The following MDFIC variants were observed in gnomAD, a reference collection of about 807,000 sequenced individuals.
MDFIC encodes the protein myoD family inhibitor domain-containing protein.
In MDFIC, 17 loss-of-function variants were observed where a neutral mutation model predicts 23.2. The ratio of observed to expected loss-of-function variants is 0.73; its 90% CI spans 0.50 to 1.10. The LOEUF (loss-of-function observed/expected upper bound fraction) is 1.10, where lower values mean the gene tolerates loss of function less well. Ranked by LOEUF, MDFIC falls within the 50% of genes least tolerant of loss-of-function variation. MDFIC has a pLI of 0.00. For synonymous variants in MDFIC, 120 were observed against 115.2 expected (o/e 1.04, Z -0.27); for missense variants, 356 against 316.6 (o/e 1.12, Z -0.95).
chr7:115,000,580 T>G (rs949349398), intron 4 of MDFIC, among the ~76,000 whole-genome samples: 4 of 152,210 alleles, frequency 2.6e-5, no homozygotes, highest in African/African-American at 4.8e-5. Context: ...CATTTCTGTA[T>G]GTAATTTTCA....
chr7:114,933,582 A>G (rs1193983990), intron 2 of MDFIC, among the ~76,000 whole-genome samples: 1 of 152,146 alleles, frequency 6.6e-6, no homozygotes, highest in African/African-American at 2.4e-5. Context: ...AATGGAGTTA[A>G]TAGACTGCCA....
intron 3 of MDFIC, among the ~76,000 whole-genome samples, chr7:114,973,548 C>T (rs1422484365): frequency 1.3e-5 from 2 of 152,134 alleles, no homozygotes; most frequent in Non-Finnish European, 2.9e-5. Context: ...GCCACGTACT[C>T]AGGACAATTG....
Position 114,999,540 on chromosome 7 carries a change from T to C in MDFIC, c.494-16148T>C, listed in dbSNP as rs573637245. ...TTTTATTTTTTAAATTACTTACATA[T>C]AGTGTTAAACTATTGTGGTTTTGAG... On this transcript the variant is annotated intron_variant, in intron 4 of 4. Coordinates refer to ENST00000393486, the MANE Select transcript of MDFIC (RefSeq NM_001166345.3). Among the ~76,000 whole-genome samples, 8 of 152,110 alleles carry C rather than the reference T, an allele frequency of 5.3e-5. 1 individual carries two copies. The South Asian group carries it at 6.2e-4, about 12-fold the overall frequency.
At chr7:114,957,670 A>T (rs533106209) in intron 3 of MDFIC, among the ~76,000 whole-genome samples, 1 of 152,324 alleles carries the variant, frequency 6.6e-6, no homozygotes, top group African/African-American at 2.4e-5. Flanking sequence ...AGAACAGTGT[A>T]TTTCAAAACT....
chr7:114,923,398 A>C, intron 2 of MDFIC: 2 of 1,460,168 alleles, frequency 1.4e-6, no homozygotes, highest in Admixed American at 2.0e-5. Context: ...CTTCTTTCTT[A>C]AGCATATGCA....
At chr7:114,967,917 C>A (rs1272193439) in intron 3 of MDFIC, among the ~76,000 whole-genome samples, 2 of 149,052 alleles carry the variant, frequency 1.3e-5, no homozygotes, top group Non-Finnish European at 1.5e-5. Context: ...TAGCCTAGAC[C>A]TCCCAGTCTC....
intron 3 of MDFIC, among the ~76,000 whole-genome samples, chr7:114,975,267 A>G (rs1161931230): frequency 6.6e-6 from 1 of 152,096 alleles, no homozygotes. Context: ...TTTCGTGAAC[A>G]TACAGGCAAA....
chr7:114,981,242 A>G (rs1793412233), intron 4 of MDFIC, among the ~76,000 whole-genome samples: 1 of 152,174 alleles, frequency 6.6e-6, no homozygotes, highest in Admixed American at 6.5e-5. Flanking sequence ...TCCATTTGAT[A>G]TTTACTTATT....
In MDFIC at chr7:114,922,423, G is replaced by C; in HGVS notation, c.-321G>C. On this transcript the variant is annotated 5_prime_UTR_variant, in exon 1 of 5. Transcript: ENST00000393486. ...GCTGGAAAGAGGGGGCGGAGTGCGC[G>C]GAGTCAGAGCCGCCACCGCTGCCGC... The C allele has an allele frequency of 4.0e-6, 5 of 1,240,366 alleles. No individual in the cohort carries two copies. Among genetic ancestry groups the C allele is most frequent in the Non-Finnish European group, 5.1e-6 (5 of 989,018 alleles). 76.8% of individuals were successfully genotyped at this position (1,240,366 alleles called of 1,614,324 possible). A position where few individuals can be genotyped will look rare whatever the true frequency, so the allele number is the denominator to read the frequency against.
intron 4 of MDFIC, among the ~76,000 whole-genome samples, chr7:115,011,349 A>AT (rs1470689053): frequency 6.6e-6 from 1 of 152,064 alleles, no homozygotes; most frequent in Admixed American, 6.6e-5. Context: ...TAATTTTCTA[A>AT]TTTTTTTCAA....
At chr7:114,954,235 C>T (rs1442795784) in intron 3 of MDFIC, among the ~76,000 whole-genome samples, 2 of 152,224 alleles carry the variant, frequency 1.3e-5, no homozygotes, top group Non-Finnish European at 2.9e-5. Context: ...TTCTCCCTGT[C>T]CTTTTCCTTA....
intron 3 of MDFIC, among the ~76,000 whole-genome samples, chr7:114,971,732 A>G (rs186606331): frequency 2.2e-4 from 33 of 151,594 alleles, no homozygotes; most frequent in Admixed American, 1.3e-3. Flanking sequence ...AATATAGTGG[A>G]TTTTTTTTTC....
chr7:114,936,920 T>G (rs1792434826), intron 2 of MDFIC, among the ~76,000 whole-genome samples: 1 of 152,148 alleles, frequency 6.6e-6, no homozygotes, highest in Admixed American at 6.5e-5. Flanking sequence ...TTTTTATTTT[T>G]TAAAAACTTA....
At chr7:114,941,125 T>C (rs1792530271) in intron 2 of MDFIC, among the ~76,000 whole-genome samples, 1 of 152,188 alleles carries the variant, frequency 6.6e-6, no homozygotes, top group South Asian at 2.1e-4. Context: ...TGTTTGTTTG[T>C]TTTTTAGTTC....
chr7:114,980,237 C>A (rs966845853), intron 4 of MDFIC, among the ~76,000 whole-genome samples: 1 of 152,166 alleles, frequency 6.6e-6, no homozygotes, highest in Non-Finnish European at 1.5e-5. Flanking sequence ...AATTTTCATG[C>A]TCTTGCCAGG....
intron 3 of MDFIC, among the ~76,000 whole-genome samples, chr7:114,967,353 C>T (rs1793117599): frequency 1.3e-5 from 2 of 152,138 alleles, no homozygotes. Flanking sequence ...TAGAAAAAGA[C>T]ATTAAGGGAG....
At chr7:114,923,676 A>G (rs1468504056) in intron 2 of MDFIC, 2 of 1,410,808 alleles carry the variant, frequency 1.4e-6, no homozygotes, top group East Asian at 5.2e-5. Context: ...AGAATGAATT[A>G]GCTTCTTTGT....
chr7:114,980,251 T>G (rs1793394518), intron 4 of MDFIC, among the ~76,000 whole-genome samples: 1 of 152,198 alleles, frequency 6.6e-6, no homozygotes, highest in South Asian at 2.1e-4. Flanking sequence ...TGCCAGGGAA[T>G]AGGCCAGGTG....
chr7:114,950,062 A>G (rs1320324321), intron 3 of MDFIC, among the ~76,000 whole-genome samples: 1 of 152,192 alleles, frequency 6.6e-6, no homozygotes, highest in Non-Finnish European at 1.5e-5. Flanking sequence ...GAAGATAGAA[A>G]GTATTGAAGG....
Sources: gnomAD v4.1 joint callset for allele counts (sites outside exome capture counted in the v4.1 genomes callset) on GRCh38, gnomAD v4.1.1 for gene constraint, MANE v1.5 for transcripts, NCBI Gene and HGNC (gene_info 2026-07-23, HGNC 2026-07-21) for gene names.